CEP170: variants seen among roughly 807,000 people sequenced by gnomAD.
The protein encoded by CEP170 is centrosomal protein of 170 kDa.
CEP170 carries 21 observed loss-of-function variants against 151.9 expected under a neutral mutation model. The ratio of observed to expected loss-of-function variants is 0.14; its 90% CI spans 0.10 to 0.20. The LOEUF is 0.20. Among genes scored for constraint, CEP170 ranks in the 10% least tolerant of loss-of-function variants. The pLI, the probability that CEP170 is intolerant of heterozygous loss-of-function variation, is 1.00. For synonymous variants in CEP170, 356 were observed against 648.8 expected, an observed-to-expected ratio of 0.55 and a Z score of 6.86; for missense variants, 964 against 1,892.9, an observed-to-expected ratio of 0.51 and a Z score of 9.11.
chr1:243,223,927 C>T (rs2063025500), intron 2 of CEP170, among the ~76,000 whole-genome samples: 1 of 151,606 alleles, frequency 6.6e-6, no homozygotes, highest in African/African-American at 2.4e-5. Flanking sequence ...GTTTCAGCAC[C>T]CATGACAGGA....
intron 1 of CEP170, among the ~76,000 whole-genome samples, chr1:243,236,891 C>T (rs142251956): frequency 4.4e-4 from 67 of 152,332 alleles, no homozygotes; most frequent in Non-Finnish European, 7.1e-4. Flanking sequence ...AACAATTTCT[C>T]TGCCATGTGT....
chr1:243,193,261 T>C (rs1018184229), intron 7 of CEP170, among the ~76,000 whole-genome samples: 3 of 152,122 alleles, frequency 2.0e-5, no homozygotes, highest in African/African-American at 7.2e-5. Flanking sequence ...TTTCTATTTT[T>C]TCAGACATTG....
chr1:243,197,401 G>C (rs2060728370), intron 7 of CEP170, among the ~76,000 whole-genome samples: 1 of 151,994 alleles, frequency 6.6e-6, no homozygotes, highest in African/African-American at 2.4e-5. Context: ...ACAGCTTCAA[G>C]GTGAGCAAGA....
intron 1 of CEP170, among the ~76,000 whole-genome samples, chr1:243,244,859 G>C (rs1389565507): frequency 6.6e-6 from 1 of 151,920 alleles, no homozygotes; most frequent in Non-Finnish European, 1.5e-5. Flanking sequence ...TAACACACTT[G>C]TATGTAAAAA....
chr1:243,211,124 A>C (rs962331647), intron 4 of CEP170: 1 of 151,272 alleles, frequency 6.6e-6, no homozygotes, highest in African/African-American at 2.4e-5. Flanking sequence ...AAAAAAAAAC[A>C]ACCTTCAGCA....
intron 19 of CEP170, 72 bp downstream of exon 19, chr1:243,128,177 T>C (rs1469101856): frequency 1.5e-6 from 2 of 1,330,612 alleles, no homozygotes; most frequent in Non-Finnish European, 2.0e-6. Context: ...AACAATATTT[T>C]AAGAAATACC....
At chr1:243,159,763 T>TTG (rs565534328) in intron 13 of CEP170, among the ~76,000 whole-genome samples, 13,994 of 127,094 alleles carry the variant, frequency 0.11, 909 homozygotes, top group Admixed American at 0.2. Context: ...GTTTCCGGTT[T>TTG]TGTGTGTGTG....
intron 14 of CEP170, among the ~76,000 whole-genome samples, chr1:243,154,310 G>A (rs2057369212): frequency 6.6e-6 from 1 of 152,242 alleles, no homozygotes. Flanking sequence ...GAGTCTTTTA[G>A]GTGACAGTAG....
chr1:243,196,549 G>A (rs752565783), intron 7 of CEP170, among the ~76,000 whole-genome samples: 16 of 152,178 alleles, frequency 1.1e-4, no homozygotes, highest in African/African-American at 2.9e-4. Context: ...TAGAAGTTAC[G>A]CGCTTCAGAT....
At chr1:243,164,016 A>C (rs537623373) in intron 13 of CEP170, among the ~76,000 whole-genome samples, 4 of 152,306 alleles carry the variant, frequency 2.6e-5, no homozygotes, top group Admixed American at 6.5e-5. Flanking sequence ...AAAACTCCTA[A>C]ATCAGCTCAA....
At chr1:243,182,609 C>T (rs2059691906) in intron 10 of CEP170, among the ~76,000 whole-genome samples, 1 of 152,160 alleles carries the variant, frequency 6.6e-6, no homozygotes, top group South Asian at 2.1e-4. Context: ...GCATTAAAGT[C>T]CTCAGTATGA....
At chr1:243,169,829 A>G in intron 11 of CEP170, 75 bp from the exon 12 acceptor site, 1 of 1,552,134 alleles carries the variant, frequency 6.4e-7, no homozygotes, top group Non-Finnish European at 8.7e-7. Flanking sequence ...AATTTCATTT[A>G]GTCACATTAA....
intron 14 of CEP170, among the ~76,000 whole-genome samples, chr1:243,151,157 G>T (rs530178936): frequency 6.6e-6 from 1 of 152,134 alleles, no homozygotes; most frequent in Admixed American, 6.5e-5. Flanking sequence ...TTTCACAGCC[G>T]CAGTTCAACT....
chr1:243,141,800 T>C (rs1171850585), intron 15 of CEP170, among the ~76,000 whole-genome samples: 4 of 152,228 alleles, frequency 2.6e-5, no homozygotes, highest in African/African-American at 9.7e-5. Flanking sequence ...TATTTATATG[T>C]GTGTATATTA....
At chr1:243,241,738 C>G (rs868112095) in intron 1 of CEP170, among the ~76,000 whole-genome samples, 1 of 149,058 alleles carries the variant, frequency 6.7e-6, no homozygotes, top group Non-Finnish European at 1.5e-5. Flanking sequence ...TGCAGAGAGC[C>G]GAGATCTCAC....
At chr1:243,226,075 C>CTAGATATATACACATATATCTATATA (rs2063231309) in intron 1 of CEP170, among the ~76,000 whole-genome samples, 3 of 138,152 alleles carry the variant, frequency 2.2e-5, no homozygotes, top group African/African-American at 8.0e-5. Flanking sequence ...ATATCTATAT[C>CTAGATATATACACATATATCTATATA]TAGATATAAA....
At chr1:243,219,293 T>C (rs1366814324) in intron 3 of CEP170, among the ~76,000 whole-genome samples, 1 of 152,222 alleles carries the variant, frequency 6.6e-6, no homozygotes, top group Non-Finnish European at 1.5e-5. Flanking sequence ...TTTCATAAAC[T>C]TCAACTCATT....
At chr1:243,226,336 C>A (rs1375818204) in intron 1 of CEP170, among the ~76,000 whole-genome samples, 2 of 150,930 alleles carry the variant, frequency 1.3e-5, no homozygotes, top group African/African-American at 4.9e-5. Flanking sequence ...AAATTACTAA[C>A]ATTTCTATAA....
intron 12 of CEP170, among the ~76,000 whole-genome samples, chr1:243,167,154 T>C (rs2058498835): frequency 6.6e-6 from 1 of 152,102 alleles, no homozygotes; most frequent in Non-Finnish European, 1.5e-5. Flanking sequence ...TATTTTCAAC[T>C]ACATAGTAGA....
Sources: gnomAD v4.1 joint callset for allele counts (sites outside exome capture counted in the v4.1 genomes callset) on GRCh38, gnomAD v4.1.1 for gene constraint, MANE v1.5 for transcripts, NCBI Gene and HGNC (gene_info 2026-07-23, HGNC 2026-07-21) for gene names.